Variants in GPRIN3 observed in about 807,000 individuals in gnomAD.
GPRIN3 encodes the protein GPRIN family member 3, also known as G protein-regulated inducer of neurite outgrowth 3.
A neutral mutation model predicts 13.7 loss-of-function variants in GPRIN3; 12 were observed. The ratio of observed to expected loss-of-function variants is 0.87; its 90% CI spans 0.56 to 1.42. The LOEUF (loss-of-function observed/expected upper bound fraction) is 1.42. Among genes scored for constraint, GPRIN3 ranks in the 40% most tolerant of loss-of-function variants. The pLI is 0.00. For synonymous variants in GPRIN3, 377 were observed against 372.7 expected (o/e 1.01, Z -0.13); for missense variants, 1,009 against 958.7 (o/e 1.05, Z -0.69).
intron 1 of GPRIN3, among the ~76,000 whole-genome samples, chr4:89,262,600 T>A (rs1301542895): frequency 6.6e-6 from 1 of 152,048 alleles, no homozygotes; most frequent in Non-Finnish European, 1.5e-5. Flanking sequence ...TGCAGGGAGG[T>A]CAGCCTGGCC....
Position 89,238,456 on chromosome 4 carries a change from G to A in GPRIN3, c.*9324C>T, listed in dbSNP as rs968979843. The A allele has an allele frequency of 6.6e-6, 1 of 152,070 alleles. No individual in the cohort carries two copies. The highest frequency in any genetic ancestry group is 1.5e-5 in the Non-Finnish European group (1 of 68,040). The allele number at this position is 152,070 out of a possible 1,614,324, so 9.4% of individuals were successfully genotyped here. ...GGAGCTATATAGGGTACACCTGATG[G>A]CTCTGGGTAAGAGGCATCTAAGCCT... On this transcript the variant is annotated 3_prime_UTR_variant, in exon 2 of 2. Transcript: ENST00000609438.
intron 1 of GPRIN3, among the ~76,000 whole-genome samples, chr4:89,279,089 ACCGATTC>A (rs1205762910): frequency 5.3e-5 from 8 of 152,218 alleles, no homozygotes; most frequent in Admixed American, 2.0e-4. Context: ...AGAGGGAAGA[ACCGATTC>A]CCCTGGACAA....
intron 1 of GPRIN3, among the ~76,000 whole-genome samples, chr4:89,288,203 C>T (rs1171566679): frequency 1.3e-5 from 2 of 152,086 alleles, no homozygotes; most frequent in East Asian, 1.9e-4. Flanking sequence ...TTAAGGTGGC[C>T]GATTTGAGAA....
At chr4:89,268,785 T>A (rs1310746899) in intron 1 of GPRIN3, among the ~76,000 whole-genome samples, 1 of 152,150 alleles carries the variant, frequency 6.6e-6, no homozygotes, top group African/African-American at 2.4e-5. Flanking sequence ...TGACATCATG[T>A]AGGTAGCTTG....
Position 89,249,212 on chromosome 4 carries a change from G to A in GPRIN3, c.899C>T (p.Thr300Met), listed in dbSNP as rs376444205. 9.2e-5 allele frequency: 149 copies of A among 1,614,024 alleles called. No individual in the cohort carries two copies. Among genetic ancestry groups the A allele is most frequent in the South Asian group, 1.8e-4 (16 of 91,092 alleles). The change falls in exon 2 of 2, where the codon ACG becomes ATG. Residue 300 changes from threonine (T) to methionine (M), a missense_variant. By Grantham distance (81) the Thr-to-Met change is moderately conservative (BLOSUM62 -1). Transcript: ENST00000609438. ...RQMSRFKEAS[T>M]MTNQAESEIK... ...TTCACTTTCAGCTTGGTTGGTCATC[G>A]TACTGGCTTCTTTGAACCTTGACAT...
At chr4:89,277,225 T>C (rs1312677927) in intron 1 of GPRIN3, among the ~76,000 whole-genome samples, 1 of 152,134 alleles carries the variant, frequency 6.6e-6, no homozygotes, top group African/African-American at 2.4e-5. Context: ...GCCCAAATGG[T>C]AACCATAGTG....
chr4:89,305,007 G>A (rs1724996454), intron 1 of GPRIN3, among the ~76,000 whole-genome samples: 1 of 152,040 alleles, frequency 6.6e-6, no homozygotes, highest in Non-Finnish European at 1.5e-5. Context: ...ATAAATTTGG[G>A]TAATCTGAAT....
intron 1 of GPRIN3, among the ~76,000 whole-genome samples, chr4:89,298,662 CAT>C (rs772549748): frequency 6.6e-6 from 1 of 151,170 alleles, no homozygotes; most frequent in South Asian, 2.1e-4. Flanking sequence ...TACATACATA[CAT>C]ATATATATAT....
At chr4:89,272,845 G>A (rs979464662) in intron 1 of GPRIN3, among the ~76,000 whole-genome samples, 16 of 152,238 alleles carry the variant, frequency 1.1e-4, no homozygotes, top group African/African-American at 3.9e-4. Flanking sequence ...AATGCTCACT[G>A]AAACTCACCA....
intron 1 of GPRIN3, among the ~76,000 whole-genome samples, chr4:89,288,258 A>G (rs1724477396): frequency 6.6e-6 from 1 of 152,174 alleles, no homozygotes; most frequent in African/African-American, 2.4e-5. Flanking sequence ...TTTTCTTTGC[A>G]GAGCCAACTA....
chr4:89,254,207 T>A (rs554001800), intron 1 of GPRIN3, among the ~76,000 whole-genome samples: 16 of 151,814 alleles, frequency 1.1e-4, no homozygotes, highest in African/African-American at 3.9e-4. Context: ...TCCCCTTCCC[T>A]TTCTTTTTCC....
intron 1 of GPRIN3, among the ~76,000 whole-genome samples, chr4:89,264,028 T>A: frequency 6.6e-6 from 1 of 152,226 alleles, no homozygotes; most frequent in South Asian, 2.1e-4. Context: ...TTTCTCTTCT[T>A]CTATATCAGT....
chr4:89,268,706 C>T (rs1310686872), intron 1 of GPRIN3, among the ~76,000 whole-genome samples: 1 of 152,172 alleles, frequency 6.6e-6, no homozygotes, highest in East Asian at 1.9e-4. Context: ...AGCAGGCCCA[C>T]AATCAATTGT....
chr4:89,284,313 C>G lies in GPRIN3; in HGVS notation c.-124+23302G>C, dbSNP rs1724339824. ...TGCCAGCCATTCAGAATTACTGTCCCTTACCTTCTGGAAACATTTCACTGT... is the reference window on the plus strand; with the variant it reads ...TGCCAGCCATTCAGAATTACTGTCCGTTACCTTCTGGAAACATTTCACTGT... On this transcript the variant is annotated intron_variant, in intron 1 of 1. Transcript: ENST00000609438. 2.0e-5 allele frequency among the ~76,000 whole-genome samples: 3 copies of G among 152,306 alleles called. No individual in the cohort carries two copies. The South Asian group carries it at 6.2e-4, about 32-fold the overall frequency.
intron 1 of GPRIN3, among the ~76,000 whole-genome samples, chr4:89,301,983 G>A (rs575740765): frequency 3.2e-4 from 48 of 152,210 alleles, no homozygotes; most frequent in African/African-American, 1.2e-3. Context: ...TTCTAGAGGT[G>A]GCTTGGTATC....
At position 89,282,594 on chromosome 4, in the gene GPRIN3, ATTTTTT is replaced by A. The variant is rs11306317; in HGVS notation, c.-124+25015_-124+25020del. 4.1e-3 allele frequency among the ~76,000 whole-genome samples: 556 copies of A among 135,618 alleles called. 3 individuals carry two copies. The highest frequency in any genetic ancestry group is 0.014 in the African/African-American group (503 of 37,052). The allele number at this position is 135,618 out of a possible 152,430, so 89.0% of individuals were successfully genotyped here. A position where few individuals can be genotyped will look rare whatever the true frequency, so the allele number is the denominator to read the frequency against. On this transcript the variant is annotated intron_variant, in intron 1 of 1. Transcript: ENST00000609438. ...TTAAAACATATGTGATTTTTTTGCA[ATTTTTT>A]TTTTTTTTTTTTTTTAGCTGATCAG...
intron 1 of GPRIN3, among the ~76,000 whole-genome samples, chr4:89,303,772 A>C (rs1030715800): frequency 6.7e-6 from 1 of 149,188 alleles, no homozygotes; most frequent in Non-Finnish European, 1.5e-5. Flanking sequence ...TTTATATATA[A>C]AAAATATAAA....
rs937346065 is a variant in GPRIN3 at position 89,244,018 on chromosome 4, T to A, written c.*3762A>T. ...CAAACAATTTATATTAACAGCACAC[T>A]TGCATATATCCTCTGTAAACACATT... On this transcript the variant is annotated 3_prime_UTR_variant, in exon 2 of 2. Transcript: ENST00000609438. 3.3e-5 allele frequency: 5 copies of A among 152,190 alleles called. No individual in the cohort carries two copies. The highest frequency in any genetic ancestry group is 3.3e-4 in the Admixed American group (5 of 15,278). The allele number at this position is 152,190 out of a possible 1,614,324, so 9.4% of individuals were successfully genotyped here.
At chr4:89,276,798 T>C (rs1340287393) in intron 1 of GPRIN3, among the ~76,000 whole-genome samples, 1 of 152,148 alleles carries the variant, frequency 6.6e-6, no homozygotes, top group African/African-American at 2.4e-5. Flanking sequence ...GAGGGGACAA[T>C]GTTGGCTGGG....
Sources: gnomAD v4.1 joint callset for allele counts (sites outside exome capture counted in the v4.1 genomes callset) on GRCh38, gnomAD v4.1.1 for gene constraint, MANE v1.5 for transcripts, NCBI Gene and HGNC (gene_info 2026-07-23, HGNC 2026-07-21) for gene names.